The following ARID1A variants were observed in gnomAD, a reference collection of about 807,000 sequenced individuals.
The protein encoded by ARID1A is AT-rich interaction domain 1A, also known as AT-rich interactive domain-containing protein 1A.
A neutral mutation model predicts 212.6 loss-of-function variants in ARID1A; 20 were observed. The observed-to-expected ratio is 0.09, with a 90% CI of 0.07 to 0.14. The LOEUF (loss-of-function observed/expected upper bound fraction) is 0.14, where lower values mean the gene tolerates loss of function less well. Among genes scored for constraint, ARID1A ranks in the 10% least tolerant of loss-of-function variants. The pLI is 1.00. For missense variants in ARID1A, 2,587 were observed against 3,059.0 expected (o/e 0.85, Z 3.64); for synonymous variants, 1,376 against 1,222.1 (o/e 1.13, Z -2.63).
In ARID1A at chr1:26,763,270, A is replaced by G. The variant is rs1404684837; in HGVS notation, c.2717A>G (p.Asn906Ser). The change falls in exon 8 of 20, where the codon AAC (asparagine) becomes AGC (serine). Residue 906 changes from asparagine (N) to serine (S), a missense_variant. This residue lies in a region of ARID1A where 674 missense variants were observed against 813.4 expected (regional missense o/e 0.83). Transcript: ENST00000324856. ...GCTGTCGCCATGCATGTTGCTGCCA[A>G]CTCTATCCAAAACAGGTAAGGCCTG... ...ETAVAMHVAA[N>S]SIQNRPPGYP... The G allele has an allele frequency of 7.5e-6, 12 of 1,606,506 alleles. No homozygotes were observed. The highest frequency in any genetic ancestry group is 3.3e-5 in the South Asian group (3 of 90,434).
intron 1 of ARID1A, among the ~76,000 whole-genome samples, chr1:26,707,434 C>T (rs1312741646): frequency 6.6e-6 from 1 of 151,894 alleles, no homozygotes; most frequent in Non-Finnish European, 1.5e-5. Flanking sequence ...GTCTGAAACT[C>T]CTGAGCTCGT....
At position 26,696,982 on chromosome 1, in the gene ARID1A, G is replaced by A. The variant is rs750489139; in HGVS notation, c.579G>A (p.Glu193=). 3 of 1,503,658 alleles carry A rather than the reference G, an allele frequency of 2.0e-6. No individual in the cohort carries two copies. The highest frequency in any genetic ancestry group is 2.9e-5 in the African/African-American group (2 of 68,912). The allele number at this position is 1,503,658 out of a possible 1,614,324, so 93.1% of individuals were successfully genotyped here. ...AGAGCGGCGGCGGCGGGGGCCTGGA[G>A]CCCTACGCGGGGCCCCAGCAGAACT... The part of the protein sequence containing the change: ...ALQSGGGGGL[E]PYAGPQQNSH... The change falls in exon 1 of 20, where the codon GAG becomes GAA. Residue 193 remains glutamate, a synonymous_variant. Coordinates refer to ENST00000324856, the MANE Select transcript of ARID1A (RefSeq NM_006015.6).
intron 1 of ARID1A, among the ~76,000 whole-genome samples, chr1:26,708,345 C>T (rs184297642): frequency 1.2e-3 from 139 of 116,244 alleles, no homozygotes; most frequent in African/African-American, 4.3e-3. Context: ...ATTGCAGTGG[C>T]GTGATCTCGG....
At chr1:26,764,463 G>A (rs2081020983) in intron 8 of ARID1A, 2 of 152,114 alleles carry the variant, frequency 1.3e-5, no homozygotes, top group South Asian at 4.1e-4. Context: ...TAAGCTTGTG[G>A]TTTGCCATTT....
At chr1:26,773,118 AC>A (rs2081098534) in intron 14 of ARID1A, 131 bp downstream of exon 14, 1 of 1,312,130 alleles carries the variant, frequency 7.6e-7, no homozygotes, top group Non-Finnish European at 1.0e-6. Context: ...TGCCCTAACT[AC>A]CCCTCTTCAT....
chr1:26,697,113 G>C lies in ARID1A; in HGVS notation c.710G>C (p.Gly237Ala), dbSNP rs2124743212. 6.9e-7 allele frequency: 1 copy of C among 1,449,176 alleles called. No homozygotes were observed. Among genetic ancestry groups the C allele is most frequent in the Non-Finnish European group, 9.0e-7 (1 of 1,105,452 alleles). 89.8% of individuals were successfully genotyped at this position (1,449,176 alleles called of 1,614,324 possible). ...TACGCGCTGAGCTCCCCGAGAGGTGGCACTCCGGGCTCCGGCGCGGCGGCG... is the reference window on the plus strand; with the variant it reads ...TACGCGCTGAGCTCCCCGAGAGGTGCCACTCCGGGCTCCGGCGCGGCGGCG... ...PAYALSSPRGGTPGSGAAAAA... is the reference protein window; with the variant it reads ...PAYALSSPRGATPGSGAAAAA... Residue 237 changes from glycine to alanine, a missense_variant, in exon 1 of 20, where the codon GGC becomes GCC. Gly to Ala is a moderately conservative substitution (Grantham distance 60). This residue lies in a region of ARID1A where 735 missense variants were observed against 590.6 expected (regional missense o/e 1.24). Coordinates refer to ENST00000324856, the MANE Select transcript of ARID1A (RefSeq NM_006015.6).
In ARID1A at chr1:26,729,659, T is replaced by C. The variant is rs2124784769; in HGVS notation, c.1146T>C (p.Ser382=). The C allele has an allele frequency of 1.2e-6, 2 of 1,614,194 alleles. No individual in the cohort carries two copies. The highest frequency in any genetic ancestry group is 1.7e-6 in the Non-Finnish European group (2 of 1,180,012). The change falls in exon 2 of 20, where the codon AGT becomes AGC. Residue 382 remains serine, a synonymous_variant. Coordinates refer to ENST00000324856, the MANE Select transcript of ARID1A (RefSeq NM_006015.6). The part of the protein sequence containing the change: ...QPLARTPQPS[S]PMDQMGKMRP... The stretch of plus-strand genomic sequence containing the variant: ...TGCTCTTTATTTTGTAGCCATCCAG[T>C]CCAATGGATCAGATGGGCAAGATGA...
chr1:26,752,935 GTACAA>G (rs2080897555), intron 4 of ARID1A: 1 of 152,148 alleles, frequency 6.6e-6, no homozygotes, highest in Non-Finnish European at 1.5e-5. Flanking sequence ...AACTAAATGG[GTACAA>G]GAACTCCATC....
At chr1:26,749,530 C>G (rs1369867840) in intron 4 of ARID1A, among the ~76,000 whole-genome samples, 2 of 152,150 alleles carry the variant, frequency 1.3e-5, no homozygotes, top group Non-Finnish European at 2.9e-5. Context: ...GCAGGGGCTA[C>G]CACCACAGGA....
chr1:26,704,971 T>G (rs1326109590), intron 1 of ARID1A, among the ~76,000 whole-genome samples: 2 of 152,150 alleles, frequency 1.3e-5, no homozygotes, highest in African/African-American at 4.8e-5. Flanking sequence ...GTGATTTTGG[T>G]TTCTTTACCT....
At position 26,772,869 on chromosome 1, in the gene ARID1A, C is replaced by G. The variant is rs1384042833; in HGVS notation, c.3597C>G (p.Phe1199Leu). Residue 1199 changes from phenylalanine to leucine, a missense_variant, in exon 14 of 20, where the codon TTC becomes TTG. Phe to Leu is a conservative substitution (Grantham distance 22). Around this residue, in one of 11 missense-constraint regions of ARID1A, gnomAD observed 890 missense variants for 1,098.2 expected, o/e 0.81. Coordinates refer to ENST00000324856, the MANE Select transcript of ARID1A (RefSeq NM_006015.6). ...DAFNDGSDST[F>L]QKRNSMTPNP... The stretch of plus-strand genomic sequence containing the variant: ...TTAATGATGGAAGTGACTCCACATT[C>G]CAGAAGCGGAATTCCATGACTCCAA... The G allele has an allele frequency of 6.2e-7, 1 of 1,614,144 alleles. No homozygotes were observed. The highest frequency in any genetic ancestry group is 1.7e-5 in the Admixed American group (1 of 60,014).
At chr1:26,731,075 C>G (rs1406651633) in intron 2 of ARID1A, 77 bp from the exon 3 acceptor site, 4 of 1,431,142 alleles carry the variant, frequency 2.8e-6, no homozygotes, top group Non-Finnish European at 3.9e-6. Flanking sequence ...ATCATCAGTG[C>G]ATAGCTTCTC....
At position 26,747,175 on chromosome 1, in the gene ARID1A, C is replaced by T. The variant is rs1197834487; in HGVS notation, c.1921-13681C>T. On this transcript the variant is annotated intron_variant, in intron 4 of 19. Coordinates refer to ENST00000324856, the MANE Select transcript of ARID1A (RefSeq NM_006015.6). Reference sequence around the variant, plus strand: ...GATGAAATCGATATGTATTCTGTTGCCATCCCTCTGGGGACCAGTGCTTGG... The same window carrying T: ...GATGAAATCGATATGTATTCTGTTGTCATCCCTCTGGGGACCAGTGCTTGG... Among the ~76,000 whole-genome samples the T allele has an allele frequency of 2.0e-5, 3 of 152,182 alleles. No individual in the cohort carries two copies. The East Asian group carries it at 5.8e-4, about 29-fold the overall frequency.
In ARID1A at chr1:26,696,704, A is replaced by C. The variant is rs1430068730; in HGVS notation, c.301A>C (p.Lys101Gln). ...CGGGCCCGGCGCGGAGCCGGACCTG[A>C]AGAACTCGAACGGGAACGCGGGCCC... The part of the protein sequence containing the change: ...GGGPGAEPDL[K>Q]NSNGNAGPRP... Residue 101 changes from lysine to glutamine, a missense_variant, in exon 1 of 20, where the codon AAG (lysine) becomes CAG (glutamine). By Grantham distance (53) the Lys-to-Gln change is moderately conservative. Transcript: ENST00000324856. 4 of 1,359,104 alleles carry C rather than the reference A, an allele frequency of 2.9e-6. No individual in the cohort carries two copies. Among genetic ancestry groups the C allele is most frequent in the Non-Finnish European group, 2.8e-6 (3 of 1,056,542 alleles). 84.2% of individuals were successfully genotyped at this position (1,359,104 alleles called of 1,614,324 possible). A position where few individuals can be genotyped will look rare whatever the true frequency, so the allele number is the denominator to read the frequency against.
chr1:26,741,495 A>G (rs2080788194), intron 4 of ARID1A, among the ~76,000 whole-genome samples: 1 of 152,238 alleles, frequency 6.6e-6, no homozygotes, highest in African/African-American at 2.4e-5. Flanking sequence ...TGTATAAGGC[A>G]GATGGAAGAG....
At chr1:26,742,332 G>T (rs932879453) in intron 4 of ARID1A, among the ~76,000 whole-genome samples, 5 of 152,224 alleles carry the variant, frequency 3.3e-5, no homozygotes, top group Non-Finnish European at 5.9e-5. Context: ...CCTGCTTGGA[G>T]GAACTAGCCA....
At chr1:26,772,190 A>C (rs1394182053) in intron 12 of ARID1A, 1 of 368,564 alleles carries the variant, frequency 2.7e-6, no homozygotes, top group East Asian at 5.0e-5. Flanking sequence ...TAGGTTAGAC[A>C]AGGTCCTTTG....
intron 4 of ARID1A, chr1:26,753,264 C>G (rs993452451): frequency 6.6e-6 from 1 of 152,226 alleles, no homozygotes; most frequent in African/African-American, 2.4e-5. Context: ...TGATTTCAGG[C>G]ATGGTTTTGT....
chr1:26,766,532 C>T lies in ARID1A; in HGVS notation c.2954C>T (p.Ala985Val), dbSNP rs2124081942. 1 of 1,613,498 alleles carries T rather than the reference C, an allele frequency of 6.2e-7. No homozygotes were observed. Among genetic ancestry groups the T allele is most frequent in the Non-Finnish European group, 8.5e-7 (1 of 1,179,706 alleles). ...LTPATKMNNK[A>V]DGTPKTESKS... Reference sequence around the variant, plus strand: ...CCAGCCACCAAAATGAACAACAAGGCAGATGGGACACCCAAGACAGAATCC... The same window carrying T: ...CCAGCCACCAAAATGAACAACAAGGTAGATGGGACACCCAAGACAGAATCC... Residue 985 changes from alanine (A) to valine (V), a missense_variant, in exon 10 of 20, where the codon GCA (alanine) becomes GTA (valine). By Grantham distance (64) the Ala-to-Val change is moderately conservative (BLOSUM62 0). Transcript: ENST00000324856.
Sources: allele counts gnomAD v4.1 joint callset (sites outside exome capture counted in the v4.1 genomes callset), GRCh38; gene constraint gnomAD v4.1.1; regional missense constraint gnomAD v4.1.1; transcripts MANE v1.5; gene names NCBI Gene and HGNC (gene_info 2026-07-23, HGNC 2026-07-21).